The following DCLRE1C variants were observed in gnomAD, a reference collection of about 807,000 sequenced individuals.
DCLRE1C encodes the protein protein artemis.
In DCLRE1C, 47 loss-of-function variants were observed where a neutral mutation model predicts 61.4. The observed-to-expected ratio is 0.77, with a 90% CI of 0.61 to 0.98. The LOEUF is 0.98. Among genes scored for constraint, DCLRE1C ranks in the 50% least tolerant of loss-of-function variants. The pLI is 0.00. For synonymous variants in DCLRE1C, 337 were observed against 287.6 expected, an observed-to-expected ratio of 1.17 and a Z score of -1.74; for missense variants, 858 against 816.0, an observed-to-expected ratio of 1.05 and a Z score of -0.63.
downstream of DCLRE1C, chr10:14,904,445 T>G (rs1210582430): frequency 2.6e-5 from 4 of 151,602 alleles, no homozygotes; most frequent in Admixed American, 2.0e-4. Flanking sequence ...GTTTACAGGT[T>G]GCCCCCAGTG....
chr10:14,900,426 A>C (rs921882048), downstream of DCLRE1C, among the ~76,000 whole-genome samples: 1 of 152,172 alleles, frequency 6.6e-6, no homozygotes, highest in African/African-American at 2.4e-5. Flanking sequence ...ACCATGTTAA[A>C]CTTCTGATGG....
rs1032360448 is a variant in DCLRE1C, at chr10:14,906,996, G to C, written c.*1412C>G. Among the ~76,000 whole-genome samples the C allele has an allele frequency of 1.3e-5, 2 of 151,820 alleles. No homozygotes were observed. Among genetic ancestry groups the C allele is most frequent in the Non-Finnish European group, 2.9e-5 (2 of 67,984 alleles). Reference sequence around the variant, plus strand: ...CCATCCTGCCACCTAAGCCTTCCAAGTAGCGAGGACTACAGGTGCACACCA... The same window carrying C: ...CCATCCTGCCACCTAAGCCTTCCAACTAGCGAGGACTACAGGTGCACACCA... On this transcript the variant is annotated 3_prime_UTR_variant, in exon 14 of 14. Coordinates refer to ENST00000378278, the MANE Select transcript of DCLRE1C (RefSeq NM_001033855.3).
rs1834759314 is a variant in DCLRE1C at position 14,908,815 on chromosome 10, C to T, written c.1672G>A (p.Val558Ile). 11 of 1,614,090 alleles carry T rather than the reference C, an allele frequency of 6.8e-6. No homozygotes were observed. Among genetic ancestry groups the T allele is most frequent in the African/African-American group, 1.3e-5 (1 of 74,922 alleles). ...SQGWDSQSDTVLLSSQERNSG... is the reference protein window; with the variant it reads ...SQGWDSQSDTILLSSQERNSG... ...TTTCTCTCTTGGGAAGATAACAAAACAGTATCAGATTGGCTGTCCCAGCCT... is the reference window on the plus strand; with the variant it reads ...TTTCTCTCTTGGGAAGATAACAAAATAGTATCAGATTGGCTGTCCCAGCCT... Residue 558 changes from valine to isoleucine, a missense_variant, in exon 14 of 14, where the codon GTT becomes ATT. Val to Ile is a conservative substitution (Grantham distance 29). Coordinates refer to ENST00000378278, the MANE Select transcript of DCLRE1C (RefSeq NM_001033855.3).
At chr10:14,954,319 A>G, upstream of DCLRE1C, 1 of 478,544 alleles carries the variant, frequency 2.1e-6, no homozygotes. Context: ...GGCGTTGCCC[A>G]TGTCTGTGGA....
At chr10:14,936,427 CAT>C in intron 5 of DCLRE1C, 109 bp downstream of exon 5, 1 of 796,354 alleles carries the variant, frequency 1.3e-6, no homozygotes, top group Non-Finnish European at 2.1e-6. Context: ...GGATTACAGA[CAT>C]GTGCCACTGC....
rs1837041428 is a variant in DCLRE1C at position 14,921,149 on chromosome 10, T to C, written c.1062-1317A>G. ...TCCTGGCTAACATGGTGAAACCCCG[T>C]CTCTACTAAAAATACAAAAAATTAG... is the stretch of plus-strand genomic sequence containing the variant. On this transcript the variant is annotated intron_variant, in intron 12 of 13. Coordinates refer to ENST00000378278, the MANE Select transcript of DCLRE1C (RefSeq NM_001033855.3). Among the ~76,000 whole-genome samples the C allele has an allele frequency of 2.6e-5, 4 of 152,002 alleles. No homozygotes were observed. In the South Asian group the frequency reaches 8.3e-4, roughly 32 times the overall value.
chr10:14,912,679 A>G (rs535403902), intron 13 of DCLRE1C, among the ~76,000 whole-genome samples: 43 of 152,264 alleles, frequency 2.8e-4, no homozygotes, highest in African/African-American at 1.0e-3. Flanking sequence ...AAAATAGCAC[A>G]TGGTGTATAA....
At chr10:14,936,908 A>G (rs1173705824) in intron 4 of DCLRE1C, among the ~76,000 whole-genome samples, 1 of 152,220 alleles carries the variant, frequency 6.6e-6, no homozygotes, top group Non-Finnish European at 1.5e-5. Context: ...ACCAGTTCAA[A>G]TGTCTATCAG....
At chr10:14,937,312 G>T (rs1225933590) in intron 4 of DCLRE1C, among the ~76,000 whole-genome samples, 1 of 134,040 alleles carries the variant, frequency 7.5e-6, no homozygotes, top group African/African-American at 2.9e-5. Flanking sequence ...TTGAGATGGA[G>T]TCTCACTCTG....
chr10:14,901,474 C>T (rs758129149), downstream of DCLRE1C, among the ~76,000 whole-genome samples: 2 of 152,002 alleles, frequency 1.3e-5, no homozygotes, highest in Non-Finnish European at 2.9e-5. Context: ...GGTTCTACAT[C>T]GTAAATTTTC....
At chr10:14,939,786 A>G in intron 4 of DCLRE1C, 24 bp downstream of exon 4, 2 of 1,570,860 alleles carry the variant, frequency 1.3e-6, no homozygotes, top group Non-Finnish European at 1.7e-6. Context: ...TTTTTAAAAA[A>G]ATCAATATTT....
At chr10:14,946,164 G>A (rs1321943868) in intron 2 of DCLRE1C, among the ~76,000 whole-genome samples, 3 of 149,436 alleles carry the variant, frequency 2.0e-5, no homozygotes, top group Non-Finnish European at 4.4e-5. Flanking sequence ...GCACCACCAC[G>A]CCCAGCTAAC....
At chr10:14,950,069 G>A (rs1017478909) in intron 1 of DCLRE1C, among the ~76,000 whole-genome samples, 6 of 151,846 alleles carry the variant, frequency 4.0e-5, no homozygotes, top group East Asian at 1.9e-4. Flanking sequence ...GGCTGGGCGC[G>A]GTGGCTCATG....
In DCLRE1C at chr10:14,908,981, C is replaced by T. The variant is rs756895191; in HGVS notation, c.1506G>A (p.Glu502=). Residue 502 remains glutamate (E), a synonymous_variant, in exon 14 of 14, where the codon GAG becomes GAA. Transcript: ENST00000378278. ...FFKRNDEITD[E]SLENFPSSTV... is the part of the protein sequence containing the mutation. ...TGGAGGAAGGGAAGTTTTCCAAACTCTCATCTGTGATTTCATCATTTCTTT... is the reference window on the plus strand; with the variant it reads ...TGGAGGAAGGGAAGTTTTCCAAACTTTCATCTGTGATTTCATCATTTCTTT... 2 of 1,614,122 alleles carry T rather than the reference C, an allele frequency of 1.2e-6. No individual in the cohort carries two copies. The highest frequency in any genetic ancestry group is 8.5e-7 in the Non-Finnish European group (1 of 1,180,012).
chr10:14,918,158 G>A lies in DCLRE1C; in HGVS notation c.1156+1580C>T, dbSNP rs1035666479. ...CCCATTCTTAGGTGTGAAAGCCTAC[G>A]TCCATACAAAAGTTTGTACATGAAT... On this transcript the variant is annotated intron_variant, in intron 13 of 13. Coordinates refer to ENST00000378278, the MANE Select transcript of DCLRE1C (RefSeq NM_001033855.3). Among the ~76,000 whole-genome samples the A allele has an allele frequency of 1.4e-4, 22 of 152,234 alleles. 1 individual carries two copies. Among genetic ancestry groups the A allele is most frequent in the Middle Eastern group, 6.8e-3 (2 of 294 alleles).
At chr10:14,940,659 C>A (rs1359212802) in intron 3 of DCLRE1C, among the ~76,000 whole-genome samples, 1 of 152,162 alleles carries the variant, frequency 6.6e-6, no homozygotes, top group Non-Finnish European at 1.5e-5. Context: ...CAGAGACTAG[C>A]ACATAAGAGG....
At chr10:14,919,923 GT>G in intron 12 of DCLRE1C, 91 bp from the exon 13 acceptor site, 2 of 1,081,446 alleles carry the variant, frequency 1.8e-6, no homozygotes, top group Non-Finnish European at 2.8e-6. Context: ...TTTTGATTTT[GT>G]TTTTTAATTT....
At chr10:14,931,150 A>C (rs1263563475) in intron 9 of DCLRE1C, among the ~76,000 whole-genome samples, 1 of 152,276 alleles carries the variant, frequency 6.6e-6, no homozygotes, top group African/African-American at 2.4e-5. Flanking sequence ...CACTACATTT[A>C]AAGATCACTA....
intron 12 of DCLRE1C, among the ~76,000 whole-genome samples, chr10:14,921,327 GA>G (rs1025558375): frequency 4.2e-5 from 6 of 144,532 alleles, no homozygotes; most frequent in African/African-American, 7.6e-5. Flanking sequence ...CTCAAAAAAA[GA>G]AAAAAAAAAC....
Sources: gnomAD v4.1 joint callset for allele counts (sites outside exome capture counted in the v4.1 genomes callset) on GRCh38, gnomAD v4.1.1 for gene constraint, MANE v1.5 for transcripts, NCBI Gene and HGNC (gene_info 2026-07-23, HGNC 2026-07-21) for gene names.